TCAIM: variants seen among roughly 807,000 people sequenced by gnomAD.
TCAIM encodes the protein T cell activation inhibitor, mitochondrial.
In TCAIM, 36 loss-of-function variants were observed where a neutral mutation model predicts 58.6. The observed-to-expected ratio is 0.61, with a 90% confidence interval of 0.47 to 0.81. The LOEUF (loss-of-function observed/expected upper bound fraction) is 0.81. Ranked by LOEUF, TCAIM falls within the 30% of genes least tolerant of loss-of-function variation. TCAIM has a pLI of 0.00. For missense variants in TCAIM, 466 were observed against 579.6 expected, an observed-to-expected ratio of 0.80 and a Z score of 2.01; for synonymous variants, 172 against 193.6, an observed-to-expected ratio of 0.89 and a Z score of 0.93.
intron 6 of TCAIM, among the ~76,000 whole-genome samples, chr3:44,394,387 TC>T (rs1237114783): frequency 1.3e-5 from 2 of 152,152 alleles, no homozygotes; most frequent in Admixed American, 6.5e-5. Flanking sequence ...CATAAACTTT[TC>T]TAACTAAAAA....
intron 2 of TCAIM, among the ~76,000 whole-genome samples, chr3:44,356,496 A>G (rs1255157882): frequency 6.6e-6 from 1 of 151,040 alleles, no homozygotes; most frequent in Non-Finnish European, 1.5e-5. Context: ...CACTCCAGCC[A>G]GGGCAACAGA....
At chr3:44,399,277 A>G (rs1402231885) in intron 8 of TCAIM, among the ~76,000 whole-genome samples, 1 of 152,230 alleles carries the variant, frequency 6.6e-6, no homozygotes, top group Non-Finnish European at 1.5e-5. Context: ...TGAATCTACA[A>G]TTATCTCAAA....
rs777185456 is a variant in TCAIM, at chr3:44,361,354, T to G, written c.166-11T>G. The G allele has an allele frequency of 3.8e-6, 6 of 1,588,816 alleles. No homozygotes were observed. In the South Asian group the frequency reaches 4.7e-5, roughly 12 times the overall value. On this transcript the variant is annotated splice_polypyrimidine_tract_variant and intron_variant, in intron 3 of 10. Coordinates refer to ENST00000342649, the MANE Select transcript of TCAIM (RefSeq NM_173826.4). Reference sequence around the variant, plus strand: ...ATTTTGTATGTAAATGCCCTTAATGTTTTTTTCCAGGAAATCAATGAAAAT... The same window carrying G: ...ATTTTGTATGTAAATGCCCTTAATGGTTTTTTCCAGGAAATCAATGAAAAT...
chr3:44,402,981 G>T (rs940033616), intron 10 of TCAIM, among the ~76,000 whole-genome samples: 1 of 152,152 alleles, frequency 6.6e-6, no homozygotes, highest in Non-Finnish European at 1.5e-5. Flanking sequence ...CTTAAATATA[G>T]AGAGAGGCTA....
chr3:44,343,762 A>AT (rs1017723156), intron 1 of TCAIM, among the ~76,000 whole-genome samples: 9 of 152,240 alleles, frequency 5.9e-5, no homozygotes, highest in African/African-American at 1.9e-4. Flanking sequence ...TCAACCTGTC[A>AT]TTTTTTTAGT....
chr3:44,394,433 T>C (rs1297652896), intron 6 of TCAIM, among the ~76,000 whole-genome samples: 25 of 152,144 alleles, frequency 1.6e-4, no homozygotes, highest in Non-Finnish European at 4.4e-5. Context: ...ATAAGATAAA[T>C]TAAGGTGCAT....
rs767712501 is a variant in TCAIM at position 44,396,494 on chromosome 3, A to G, written c.790A>G (p.Lys264Glu). 4 of 1,611,910 alleles carry G rather than the reference A, an allele frequency of 2.5e-6. No individual in the cohort carries two copies. The highest frequency in any genetic ancestry group is 3.4e-6 in the Non-Finnish European group (4 of 1,179,524). The change falls in exon 7 of 11, where the codon AAA (lysine) becomes GAA (glutamate). Residue 264 changes from lysine (K) to glutamate (E), a missense_variant. Lys to Glu is a moderately conservative substitution (Grantham distance 56, BLOSUM62 1). Transcript: ENST00000342649. ...QQNLETLKKAKGCTIIFTDRS... is the reference protein window; with the variant it reads ...QQNLETLKKAEGCTIIFTDRS... The stretch of plus-strand genomic sequence containing the variant: ...GAATTTGGAAACACTTAAAAAAGCA[A>G]AAGGTAAACATTTTCCATTTTCTTT...
At chr3:44,396,195 G>T (rs1701930134) in intron 6 of TCAIM, among the ~76,000 whole-genome samples, 1 of 152,132 alleles carries the variant, frequency 6.6e-6, no homozygotes, top group Non-Finnish European at 1.5e-5. Context: ...TAATATTTCT[G>T]CCCTCTGGTA....
intron 4 of TCAIM, among the ~76,000 whole-genome samples, chr3:44,367,029 C>T (rs1239694738): frequency 6.6e-6 from 1 of 152,142 alleles, no homozygotes; most frequent in Admixed American, 6.5e-5. Flanking sequence ...GATTATATGG[C>T]CCCTCTTACC....
At chr3:44,357,024 T>G (rs543946922) in intron 2 of TCAIM, among the ~76,000 whole-genome samples, 4 of 151,900 alleles carry the variant, frequency 2.6e-5, no homozygotes, top group East Asian at 3.9e-4. Flanking sequence ...CTAGTATAAT[T>G]TTAGCATGCT....
intron 1 of TCAIM, among the ~76,000 whole-genome samples, chr3:44,349,356 A>G (rs556659609): frequency 1.3e-5 from 2 of 152,204 alleles, no homozygotes; most frequent in East Asian, 3.9e-4. Context: ...ACTTGGAACT[A>G]TTGTCAAGCG....
intron 3 of TCAIM, 193 bp downstream of exon 3, chr3:44,358,069 G>C (rs1486648382): frequency 7.4e-7 from 1 of 1,352,418 alleles, no homozygotes; most frequent in Non-Finnish European, 9.7e-7. Context: ...TCATTGTTTT[G>C]TGCAGGCAAT....
Position 44,363,565 on chromosome 3 carries a change from T to G in TCAIM, c.319+2047T>G, listed in dbSNP as rs182400005. 5.3e-5 allele frequency among the ~76,000 whole-genome samples: 8 copies of G among 152,344 alleles called. No homozygotes were observed. The East Asian group carries it at 1.3e-3, about 26-fold the overall frequency. The stretch of plus-strand genomic sequence containing the variant: ...TGAGCCTTTAGCATTATTAATACAT[T>G]GAAATCCTTAAAGGCTGAAATTATT... On this transcript the variant is annotated intron_variant, in intron 4 of 10. Transcript: ENST00000342649.
intron 1 of TCAIM, among the ~76,000 whole-genome samples, chr3:44,347,690 A>G (rs944163698): frequency 2.0e-5 from 3 of 152,226 alleles, no homozygotes; most frequent in African/African-American, 7.2e-5. Flanking sequence ...AGGAGAGTTT[A>G]TAGGCTTTAA....
At chr3:44,391,076 A>G (rs1701826355) in intron 5 of TCAIM, 1 of 152,244 alleles carries the variant, frequency 6.6e-6, no homozygotes, top group African/African-American at 2.4e-5. Flanking sequence ...CCCTTATGTC[A>G]TGATTATAGC....
At chr3:44,373,517 G>A (rs1469951725) in intron 5 of TCAIM, among the ~76,000 whole-genome samples, 3 of 151,504 alleles carry the variant, frequency 2.0e-5, no homozygotes, top group Admixed American at 2.0e-4. Flanking sequence ...AGCCAGGCGT[G>A]ATGATGCATG....
intron 1 of TCAIM, among the ~76,000 whole-genome samples, chr3:44,352,923 C>CTTT (rs61357631): frequency 0.45 from 59,664 of 131,240 alleles, 14,538 homozygotes; most frequent in East Asian, 0.77. Context: ...AGATTGACTT[C>CTTT]TTTTTTTTTT....
intron 5 of TCAIM, among the ~76,000 whole-genome samples, chr3:44,374,790 A>G (rs1209547515): frequency 6.6e-6 from 1 of 151,984 alleles, no homozygotes; most frequent in Non-Finnish European, 1.5e-5. Context: ...TAAAAAAACT[A>G]TTGCTCTATG....
intron 1 of TCAIM, among the ~76,000 whole-genome samples, chr3:44,345,077 G>A (rs1375675178): frequency 3.3e-5 from 5 of 152,152 alleles, no homozygotes; most frequent in Admixed American, 1.3e-4. Flanking sequence ...TAAAGTGTTG[G>A]GGCCCTGAAA....
Sources: allele counts gnomAD v4.1 joint callset (sites outside exome capture counted in the v4.1 genomes callset), GRCh38; gene constraint gnomAD v4.1.1; transcripts MANE v1.5; gene names NCBI Gene and HGNC (gene_info 2026-07-23, HGNC 2026-07-21).